COP1: variants seen among roughly 807,000 people sequenced by gnomAD.
COP1 encodes the protein COP1 E3 ubiquitin ligase, also known as E3 ubiquitin-protein ligase COP1.
Under a neutral mutation model 101.3 loss-of-function variants are expected in COP1, and 24 were observed. The observed-to-expected ratio is 0.24, with a 90% CI of 0.17 to 0.33. The LOEUF (loss-of-function observed/expected upper bound fraction) is 0.33. COP1 is among the 10% of genes least tolerant of loss of function. The probability of loss-of-function intolerance (pLI) is 1.00; values close to 1 mark genes in which losing one functional copy is unlikely to be tolerated. For synonymous variants in COP1, 347 were observed against 341.9 expected (o/e 1.01, Z -0.17); for missense variants, 663 against 906.2 (o/e 0.73, Z 3.45).
At chr1:176,119,388 T>A (rs1686729822) in intron 8 of COP1, among the ~76,000 whole-genome samples, 1 of 152,122 alleles carries the variant, frequency 6.6e-6, no homozygotes, top group African/African-American at 2.4e-5. Context: ...AAAAAATGAA[T>A]GATATTGATA....
rs368629355 is a variant in COP1, at chr1:176,176,380, C to CAG, written c.468-375_468-374dup. On this transcript the variant is annotated intron_variant, in intron 2 of 19. Coordinates refer to ENST00000367669, the MANE Select transcript of COP1 (RefSeq NM_022457.7). ...TTGGCCTGCGAATACCCTTAATACT[C>CAG]AGTTCATTGAAATAAAAAAGAGAAA... is the stretch of plus-strand genomic sequence containing the variant. 2.6e-3 allele frequency among the ~76,000 whole-genome samples: 400 copies of CAG among 152,180 alleles called. 3 individuals carry two copies. Among genetic ancestry groups the CAG allele is most frequent in the African/African-American group, 9.2e-3 (382 of 41,524 alleles).
intron 8 of COP1, among the ~76,000 whole-genome samples, chr1:176,122,731 T>C (rs988536878): frequency 1.3e-5 from 2 of 152,198 alleles, no homozygotes; most frequent in Admixed American, 1.3e-4. Flanking sequence ...AAAATGTTTA[T>C]TACATAATAA....
chr1:175,959,226 A>T (rs561454491), intron 18 of COP1, among the ~76,000 whole-genome samples: 69 of 152,138 alleles, frequency 4.5e-4, no homozygotes, highest in African/African-American at 1.6e-3. Flanking sequence ...CATGTTAAAT[A>T]GGTACAAAAA....
intron 11 of COP1, among the ~76,000 whole-genome samples, chr1:176,047,289 G>C (rs986081369): frequency 6.6e-5 from 10 of 152,038 alleles, no homozygotes; most frequent in African/African-American, 2.4e-4. Context: ...AAAACATTTT[G>C]CATGTATTAC....
intron 11 of COP1, among the ~76,000 whole-genome samples, chr1:176,063,184 C>T (rs1675275076): frequency 1.3e-5 from 2 of 151,510 alleles, no homozygotes; most frequent in Admixed American, 6.6e-5. Context: ...CTCAGCCTCC[C>T]GAGTAGCTGG....
At chr1:176,152,819 G>A (rs1692838381) in intron 5 of COP1, among the ~76,000 whole-genome samples, 1 of 152,090 alleles carries the variant, frequency 6.6e-6, no homozygotes, top group Non-Finnish European at 1.5e-5. Flanking sequence ...CCTATAAAAT[G>A]TGCAGGTAAC....
intron 19 of COP1, among the ~76,000 whole-genome samples, chr1:175,945,687 A>G (rs1196570003): frequency 6.6e-6 from 1 of 152,212 alleles, no homozygotes; most frequent in Non-Finnish European, 1.5e-5. Context: ...TACTGTCATA[A>G]AAAAGTAAGT....
chr1:176,207,100 G>C lies in COP1; in HGVS notation c.-122C>G. The C allele has an allele frequency of 1.3e-6, 1 of 765,792 alleles. No homozygotes were observed. The allele number at this position is 765,792 out of a possible 1,614,324, so 47.4% of individuals were successfully genotyped here. On this transcript the variant is annotated 5_prime_UTR_variant, in exon 1 of 20. Coordinates refer to ENST00000367669, the MANE Select transcript of COP1 (RefSeq NM_022457.7). ...GGACGCCCGCCGAGCCGGAGGTGGG[G>C]CTGAGGAACAATAAAGTTGCGTTTT...
At chr1:176,004,899 A>G (rs78965446) in intron 15 of COP1, among the ~76,000 whole-genome samples, 44,447 of 150,768 alleles carry the variant, frequency 0.29, 7,893 homozygotes, top group Middle Eastern at 0.38. Context: ...CTCTTTTTCT[A>G]TTGATTGGAA....
intron 9 of COP1, among the ~76,000 whole-genome samples, chr1:176,090,144 G>A (rs1681002041): frequency 6.6e-6 from 1 of 152,066 alleles, no homozygotes; most frequent in South Asian, 2.1e-4. Flanking sequence ...TTAACTCTTT[G>A]AACCAAGAGT....
At chr1:176,188,980 T>A (rs1412100472) in intron 1 of COP1, among the ~76,000 whole-genome samples, 1 of 152,078 alleles carries the variant, frequency 6.6e-6, no homozygotes, top group Non-Finnish European at 1.5e-5. Flanking sequence ...GTAACTGAAA[T>A]CATTTTTAAA....
chr1:176,117,078 T>C (rs1010105579), intron 8 of COP1, among the ~76,000 whole-genome samples: 4 of 152,204 alleles, frequency 2.6e-5, no homozygotes, highest in Non-Finnish European at 5.9e-5. Flanking sequence ...CACCCTGCTA[T>C]GCCATTAAAA....
At chr1:176,133,646 A>G (rs1397105275) in intron 8 of COP1, among the ~76,000 whole-genome samples, 3 of 152,000 alleles carry the variant, frequency 2.0e-5, no homozygotes, top group Non-Finnish European at 4.4e-5. Flanking sequence ...CAATAAATAG[A>G]GCAATTAAGT....
intron 15 of COP1, among the ~76,000 whole-genome samples, chr1:175,996,731 G>A (rs1159297045): frequency 6.6e-6 from 1 of 152,146 alleles, no homozygotes; most frequent in Non-Finnish European, 1.5e-5. Context: ...ACAAACCACT[G>A]CTCAGTGAAA....
At chr1:176,184,506 G>C (rs1435940431) in intron 2 of COP1, 127 bp downstream of exon 2, 1 of 701,404 alleles carries the variant, frequency 1.4e-6, no homozygotes, top group Non-Finnish European at 2.4e-6. Flanking sequence ...ACAAAGACAT[G>C]TCAAGAAAAA....
intron 8 of COP1, among the ~76,000 whole-genome samples, chr1:176,133,201 C>T (rs2502843): frequency 0.11 from 16,197 of 149,340 alleles, 1,185 homozygotes; most frequent in Non-Finnish European, 0.14. Flanking sequence ...CGTATATGTA[C>T]GTATGTACAC....
chr1:176,101,877 T>C (rs1683463736), intron 9 of COP1, among the ~76,000 whole-genome samples: 1 of 152,166 alleles, frequency 6.6e-6, no homozygotes, highest in African/African-American at 2.4e-5. Flanking sequence ...CAGCACACCC[T>C]GTCAGCAGGA....
chr1:176,204,949 T>A (rs1700678121), intron 1 of COP1, among the ~76,000 whole-genome samples: 1 of 151,914 alleles, frequency 6.6e-6, no homozygotes, highest in Admixed American at 6.6e-5. Flanking sequence ...TTTACTCTTT[T>A]AAAAAAAGAG....
At chr1:176,001,744 G>A (rs544831627) in intron 15 of COP1, among the ~76,000 whole-genome samples, 8 of 151,646 alleles carry the variant, frequency 5.3e-5, no homozygotes, top group South Asian at 2.1e-4. Flanking sequence ...CCTTTATTTC[G>A]GCCTGCAGAA....
Sources: allele counts gnomAD v4.1 joint callset (sites outside exome capture counted in the v4.1 genomes callset), GRCh38; gene constraint gnomAD v4.1.1; transcripts MANE v1.5; gene names NCBI Gene and HGNC (gene_info 2026-07-23, HGNC 2026-07-21).